The following MRTFB variants were observed in gnomAD, a reference collection of about 807,000 sequenced individuals.
The protein encoded by MRTFB is myocardin-related transcription factor B.
A neutral mutation model predicts 104.2 loss-of-function variants in MRTFB; 29 were observed. That is an observed-to-expected ratio of 0.28 (90% confidence interval 0.21 to 0.38). The LOEUF (loss-of-function observed/expected upper bound fraction) is 0.38, where lower values mean the gene tolerates loss of function less well. Among genes scored for constraint, MRTFB ranks in the 10% least tolerant of loss-of-function variants. MRTFB has a pLI of 1.00. For missense variants in MRTFB, 1,270 were observed against 1,341.6 expected (o/e 0.95, Z 0.83); for synonymous variants, 535 against 519.5 (o/e 1.03, Z -0.41).
chr16:14,196,161 C>A (rs748935621), intron 3 of MRTFB, among the ~76,000 whole-genome samples: 76 of 152,254 alleles, frequency 5.0e-4, no homozygotes, highest in Admixed American at 1.3e-3. Context: ...AAGAAACATG[C>A]CCCATTTTTA....
intron 2 of MRTFB, among the ~76,000 whole-genome samples, chr16:14,139,530 A>G (rs1008038375): frequency 6.6e-6 from 1 of 152,210 alleles, no homozygotes; most frequent in Admixed American, 6.5e-5. Context: ...TAGAGCTGCC[A>G]TGTGATCCAG....
At chr16:14,181,783 T>C (rs937601131) in intron 3 of MRTFB, among the ~76,000 whole-genome samples, 2 of 152,220 alleles carry the variant, frequency 1.3e-5, no homozygotes, top group Admixed American at 6.5e-5. Context: ...GCCAAGTTTT[T>C]GTGTAAGTCC....
intron 1 of MRTFB, among the ~76,000 whole-genome samples, chr16:14,078,970 A>C (rs996034572): frequency 6.6e-6 from 1 of 152,170 alleles, no homozygotes; most frequent in Non-Finnish European, 1.5e-5. Flanking sequence ...CCCAGATCAC[A>C]CAGGTAGAAA....
chr16:14,148,585 TATC>T (rs2038444346), intron 3 of MRTFB: 1 of 152,620 alleles, frequency 6.6e-6, no homozygotes, highest in African/African-American at 2.4e-5. Context: ...AATTAGCAAA[TATC>T]ATGTTTTTCT....
the MRTFB span, among the ~76,000 whole-genome samples, chr16:14,059,444 A>G: frequency 6.6e-6 from 1 of 152,110 alleles, no homozygotes; most frequent in African/African-American, 2.4e-5. Flanking sequence ...CTGAGTATTC[A>G]GGTGGTCATG....
At chr16:14,008,045 C>G in the MRTFB span, among the ~76,000 whole-genome samples, 1 of 152,012 alleles carries the variant, frequency 6.6e-6, no homozygotes, top group Non-Finnish European at 1.5e-5. Context: ...TTTTTGACGT[C>G]TTTGAAGCAC....
the MRTFB span, among the ~76,000 whole-genome samples, chr16:13,998,320 A>T: frequency 1.3e-5 from 2 of 152,104 alleles, no homozygotes; most frequent in East Asian, 3.9e-4. Flanking sequence ...CAGACCTGGG[A>T]TTCTTAGAAC....
intron 3 of MRTFB, among the ~76,000 whole-genome samples, chr16:14,187,693 G>A (rs2151037229): frequency 6.6e-6 from 1 of 152,302 alleles, no homozygotes; most frequent in African/African-American, 2.4e-5. Flanking sequence ...CCAAACATGT[G>A]GACATTGCTG....
intron 3 of MRTFB, chr16:14,186,671 T>A: frequency 7.6e-7 from 1 of 1,308,412 alleles, no homozygotes; most frequent in Non-Finnish European, 9.7e-7. Context: ...TGTGTGGCTC[T>A]GCCTCCCGAT....
chr16:14,041,849 C>T, the MRTFB span, among the ~76,000 whole-genome samples: 2 of 152,060 alleles, frequency 1.3e-5, no homozygotes, highest in Non-Finnish European at 2.9e-5. Flanking sequence ...TAGCTTGAAT[C>T]CAGGAGGCGG....
chr16:14,194,834 G>A lies in MRTFB; in HGVS notation c.155-15409G>A, dbSNP rs1407042001. ...TTTGTAAAACTCAGTATTGGTACCCGCCATGTAGGGTTGTTATGAGGATTA... is the reference window on the plus strand; with the variant it reads ...TTTGTAAAACTCAGTATTGGTACCCACCATGTAGGGTTGTTATGAGGATTA... On this transcript the variant is annotated intron_variant, in intron 3 of 16. Transcript: ENST00000571589. Among the ~76,000 whole-genome samples, 7 of 151,584 alleles carry A rather than the reference G, an allele frequency of 4.6e-5. No individual in the cohort carries two copies. In the South Asian group the frequency reaches 6.2e-4, roughly 14 times the overall value.
At chr16:14,023,580 TACACAC>T in the MRTFB span, among the ~76,000 whole-genome samples, 4 of 93,964 alleles carry the variant, frequency 4.3e-5, no homozygotes, top group African/African-American at 8.8e-5. Context: ...CAAGGGCAGA[TACACAC>T]ACACACACAC....
chr16:14,227,625 C>T (rs1342408594), intron 8 of MRTFB, among the ~76,000 whole-genome samples: 2 of 152,152 alleles, frequency 1.3e-5, no homozygotes, highest in African/African-American at 4.8e-5. Context: ...GATTCTCCTG[C>T]CTCAGCTTCC....
At chr16:14,129,637 A>G (rs1200084102) in intron 2 of MRTFB, among the ~76,000 whole-genome samples, 1 of 152,160 alleles carries the variant, frequency 6.6e-6, no homozygotes, top group African/African-American at 2.4e-5. Context: ...TTTCCAAAGT[A>G]GTGTTTTACA....
At chr16:14,036,673 A>T in the MRTFB span, among the ~76,000 whole-genome samples, 1 of 150,706 alleles carries the variant, frequency 6.6e-6, no homozygotes, top group African/African-American at 2.5e-5. Flanking sequence ...CATCATATAT[A>T]TAGAAATATA....
At chr16:14,014,265 G>A in the MRTFB span, among the ~76,000 whole-genome samples, 2 of 152,344 alleles carry the variant, frequency 1.3e-5, no homozygotes, top group East Asian at 3.9e-4. Context: ...GAGTCTCAGT[G>A]CCGGGCAAGG....
At chr16:14,145,130 A>G (rs2142684726) in intron 3 of MRTFB, among the ~76,000 whole-genome samples, 1 of 151,652 alleles carries the variant, frequency 6.6e-6, no homozygotes, top group East Asian at 1.9e-4. Flanking sequence ...AAGGACCGTA[A>G]CATTCTTACT....
At chr16:14,014,508 A>G in the MRTFB span, among the ~76,000 whole-genome samples, 1 of 151,670 alleles carries the variant, frequency 6.6e-6, no homozygotes, top group Non-Finnish European at 1.5e-5. Context: ...GTGAGCAGTG[A>G]TTGCGCCACT....
chr16:14,185,103 G>C (rs79826905), intron 3 of MRTFB, among the ~76,000 whole-genome samples: 6,356 of 152,256 alleles, frequency 0.042, 403 homozygotes, highest in African/African-American at 0.14. Flanking sequence ...GTCAGAGATA[G>C]TAACAGAACG....
Sources: gnomAD v4.1 joint callset for allele counts (sites outside exome capture counted in the v4.1 genomes callset) on GRCh38, gnomAD v4.1.1 for gene constraint, MANE v1.5 for transcripts, NCBI Gene and HGNC (gene_info 2026-07-23, HGNC 2026-07-21) for gene names.